Variants in KHDRBS3 observed in about 807,000 individuals in gnomAD.
KHDRBS3 encodes the protein KH domain-containing, RNA-binding, signal transduction-associated protein 3.
Under a neutral mutation model 45.6 loss-of-function variants are expected in KHDRBS3, and 23 were observed. The ratio of observed to expected loss-of-function variants is 0.50; its 90% confidence interval spans 0.36 to 0.72. The LOEUF is 0.72. Ranked by LOEUF, KHDRBS3 falls within the 30% of genes least tolerant of loss-of-function variation. KHDRBS3 has a pLI of 0.00. For missense variants in KHDRBS3, 352 were observed against 424.8 expected (o/e 0.83, Z 1.51); for synonymous variants, 162 against 156.5 (o/e 1.04, Z -0.26).
At chr8:135,560,197 C>A (rs1052080693) in intron 5 of KHDRBS3, among the ~76,000 whole-genome samples, 1 of 151,772 alleles carries the variant, frequency 6.6e-6, no homozygotes, top group Non-Finnish European at 1.5e-5. Flanking sequence ...ATATATATAT[C>A]TCTTATGATG....
intron 7 of KHDRBS3, chr8:135,625,615 CTT>C (rs1480384664): frequency 1.1e-6 from 1 of 917,330 alleles, no homozygotes; most frequent in African/African-American, 1.6e-5. Flanking sequence ...CAGGGTCAGT[CTT>C]TTCCATCATA....
chr8:135,589,185 A>G (rs1459323112), intron 6 of KHDRBS3, among the ~76,000 whole-genome samples: 2 of 152,208 alleles, frequency 1.3e-5, no homozygotes, highest in African/African-American at 2.4e-5. Context: ...AGAGGTTGCC[A>G]TAGCCTCCTC....
In KHDRBS3 at chr8:135,518,425, C is replaced by T. The variant is rs904501986; in HGVS notation, c.89-2812C>T. Among the ~76,000 whole-genome samples the T allele has an allele frequency of 5.3e-5, 8 of 152,160 alleles. No homozygotes were observed. The East Asian group carries it at 5.8e-4, about 11-fold the overall frequency. Reference sequence around the variant, plus strand: ...TCCTGACCTCGTGATCCACCCGCCTCGGCCTCCCAAAGTACTGGGATTACA... The same window carrying T: ...TCCTGACCTCGTGATCCACCCGCCTTGGCCTCCCAAAGTACTGGGATTACA... On this transcript the variant is annotated intron_variant, in intron 1 of 8. Coordinates refer to ENST00000355849, the MANE Select transcript of KHDRBS3 (RefSeq NM_006558.3).
intron 7 of KHDRBS3, among the ~76,000 whole-genome samples, chr8:135,619,274 G>T (rs1267076798): frequency 1.3e-5 from 2 of 152,130 alleles, no homozygotes; most frequent in Admixed American, 1.3e-4. Flanking sequence ...TTATAAAATA[G>T]AAGTATTTCA....
chr8:135,583,195 G>A (rs1828299213), intron 6 of KHDRBS3, among the ~76,000 whole-genome samples: 1 of 152,168 alleles, frequency 6.6e-6, no homozygotes, highest in South Asian at 2.1e-4. Flanking sequence ...GTGAACCTCT[G>A]GAAGGGCAGG....
At chr8:135,531,136 T>C (rs1308331140) in intron 2 of KHDRBS3, among the ~76,000 whole-genome samples, 1 of 152,210 alleles carries the variant, frequency 6.6e-6, no homozygotes, top group Admixed American at 6.5e-5. Flanking sequence ...TATTTCAGAT[T>C]GTATATTACT....
intron 1 of KHDRBS3, among the ~76,000 whole-genome samples, chr8:135,483,045 T>G (rs1822664290): frequency 6.6e-6 from 1 of 152,166 alleles, no homozygotes; most frequent in Non-Finnish European, 1.5e-5. Flanking sequence ...AATATCATTA[T>G]TTGTTTTTTT....
intron 7 of KHDRBS3, among the ~76,000 whole-genome samples, chr8:135,626,342 A>G (rs1830359325): frequency 6.6e-6 from 1 of 152,262 alleles, no homozygotes; most frequent in South Asian, 2.1e-4. Flanking sequence ...AAATGATTAC[A>G]GTAAGATGGA....
chr8:135,458,447 C>T (rs1001654664), intron 1 of KHDRBS3: 9 of 220,792 alleles, frequency 4.1e-5, no homozygotes, highest in Admixed American at 1.6e-4. Flanking sequence ...AGTTTGGGGA[C>T]CTTGGAAGAG....
intron 5 of KHDRBS3, among the ~76,000 whole-genome samples, chr8:135,578,717 G>A (rs1385684149): frequency 2.0e-5 from 3 of 152,044 alleles, no homozygotes; most frequent in African/African-American, 7.2e-5. Context: ...GCCTTTCCAT[G>A]TGTACTTTAG....
chr8:135,482,739 C>T (rs1045348242), intron 1 of KHDRBS3, among the ~76,000 whole-genome samples: 1 of 152,112 alleles, frequency 6.6e-6, no homozygotes, highest in African/African-American at 2.4e-5. Flanking sequence ...CAGCTATTAG[C>T]TGTGAGGATT....
At chr8:135,655,506 A>G (rs1039868945) in intron 4 of KHDRBS3, among the ~76,000 whole-genome samples, 1 of 152,246 alleles carries the variant, frequency 6.6e-6, no homozygotes, top group African/African-American at 2.4e-5. Flanking sequence ...TTAGGAACGT[A>G]TAAGCAGCTG....
At chr8:135,507,334 T>C (rs1276011370) in intron 1 of KHDRBS3, among the ~76,000 whole-genome samples, 4 of 152,248 alleles carry the variant, frequency 2.6e-5, no homozygotes, top group African/African-American at 9.6e-5. Context: ...AGTAAAGGTC[T>C]GTATTTATTC....
intron 1 of KHDRBS3, among the ~76,000 whole-genome samples, chr8:135,482,368 T>G: frequency 1.9e-5 from 1 of 53,570 alleles, no homozygotes; most frequent in East Asian, 2.5e-3. Context: ...AGTGTTGCCC[T>G]GGGAAATGGT....
intron 2 of KHDRBS3, among the ~76,000 whole-genome samples, chr8:135,538,187 C>G (rs1378192571): frequency 1.3e-5 from 2 of 152,112 alleles, no homozygotes; most frequent in Non-Finnish European, 2.9e-5. Flanking sequence ...TGAGCTTGGC[C>G]TGTTTTCCAA....
At chr8:135,623,954 T>G (rs1830255480) in intron 7 of KHDRBS3, among the ~76,000 whole-genome samples, 1 of 152,200 alleles carries the variant, frequency 6.6e-6, no homozygotes, top group African/African-American at 2.4e-5. Flanking sequence ...TGCAGAGTCC[T>G]GCAAATGAGG....
chr8:135,539,555 A>G (rs978185730), intron 2 of KHDRBS3: 1 of 152,222 alleles, frequency 6.6e-6, no homozygotes, highest in African/African-American at 2.4e-5. Context: ...TCATCTATTT[A>G]TTACTTACTA....
rs930721210 is a variant in KHDRBS3, at chr8:135,528,880, C to G, written c.207+7525C>G. Among the ~76,000 whole-genome samples, 2 of 152,252 alleles carry G rather than the reference C, an allele frequency of 1.3e-5. 1 individual carries two copies. Among genetic ancestry groups the G allele is most frequent in the South Asian group, 4.1e-4 (2 of 4,826 alleles). On this transcript the variant is annotated intron_variant, in intron 2 of 8. Coordinates refer to ENST00000355849, the MANE Select transcript of KHDRBS3 (RefSeq NM_006558.3). ...CATAGGGGCAGAGTCCTCATGACTTCAGCACTTCCCAAAAGGCCCCACCTC... is the reference window on the plus strand; with the variant it reads ...CATAGGGGCAGAGTCCTCATGACTTGAGCACTTCCCAAAAGGCCCCACCTC...
intron 1 of KHDRBS3, among the ~76,000 whole-genome samples, chr8:135,479,898 A>G (rs1224396407): frequency 2.0e-5 from 3 of 152,198 alleles, no homozygotes; most frequent in Non-Finnish European, 4.4e-5. Context: ...ATTTAGATGA[A>G]ATCATCTTCA....
Sources: gnomAD v4.1 joint callset for allele counts (sites outside exome capture counted in the v4.1 genomes callset) on GRCh38, gnomAD v4.1.1 for gene constraint, MANE v1.5 for transcripts, NCBI Gene and HGNC (gene_info 2026-07-23, HGNC 2026-07-21) for gene names.